Variants in RARB observed in about 807,000 individuals in gnomAD.
RARB encodes the protein HBV-activated protein.
A neutral mutation model predicts 51.9 loss-of-function variants in RARB; 17 were observed. That is an observed-to-expected ratio of 0.33 (90% CI 0.22 to 0.49). The LOEUF (loss-of-function observed/expected upper bound fraction) is 0.49. RARB is among the 20% of genes least tolerant of loss of function. The pLI is 0.99. For missense variants in RARB, 369 were observed against 550.8 expected, an observed-to-expected ratio of 0.67 and a Z score of 3.30; for synonymous variants, 215 against 195.4, an observed-to-expected ratio of 1.10 and a Z score of -0.84.
At chr3:24,982,266 A>C (rs1696694193) in intron 2 of RARB, among the ~76,000 whole-genome samples, 1 of 152,098 alleles carries the variant, frequency 6.6e-6, no homozygotes, top group African/African-American at 2.4e-5. Flanking sequence ...GCAACTCTGA[A>C]CCAGGTGGGC....
At chr3:24,967,787 T>C (rs146895809) in intron 2 of RARB, among the ~76,000 whole-genome samples, 148 of 152,254 alleles carry the variant, frequency 9.7e-4, no homozygotes, top group African/African-American at 3.4e-3. Flanking sequence ...TTTTAAGCAG[T>C]TTATTGGATT....
chr3:25,535,575 G>A (rs1403428997), intron 3 of RARB, among the ~76,000 whole-genome samples: 1 of 151,930 alleles, frequency 6.6e-6, no homozygotes, highest in Admixed American at 6.6e-5. Context: ...CCCAGCCCCC[G>A]ACAGGCCCTG....
chr3:25,256,166 T>G (rs1358401853), intron 5 of RARB, among the ~76,000 whole-genome samples: 1 of 152,158 alleles, frequency 6.6e-6, no homozygotes, highest in East Asian at 1.9e-4. Flanking sequence ...TTCAAAAATA[T>G]TCAACACCTA....
Position 25,428,800 on chromosome 3 carries a change from G to A in RARB, c.69G>A (p.Pro23=), listed in dbSNP as rs771732428. Residue 23 remains proline, a synonymous_variant, in exon 1 of 8, where the codon CCG becomes CCA. Transcript: ENST00000330688. ...TCCTGGATTTCTACACTGCGAGTCC[G>A]TCTTCCTGCATGCTCCAGGAGAAAG... ...GQILDFYTAS[P]SSCMLQEKAL... is the part of the protein sequence containing the mutation. The A allele has an allele frequency of 4.3e-6, 7 of 1,614,110 alleles. No homozygotes were observed. Among genetic ancestry groups the A allele is most frequent in the South Asian group, 1.1e-5 (1 of 91,078 alleles).
chr3:25,099,880 A>C (rs1056626409), intron 3 of RARB, among the ~76,000 whole-genome samples: 1 of 152,164 alleles, frequency 6.6e-6, no homozygotes, highest in Non-Finnish European at 1.5e-5. Context: ...CACGCAGGAA[A>C]GCCATGGGAA....
At chr3:25,334,370 T>A (rs1704997527) in intron 5 of RARB, among the ~76,000 whole-genome samples, 1 of 152,196 alleles carries the variant, frequency 6.6e-6, no homozygotes, top group South Asian at 2.1e-4. Context: ...TGAGTTCATG[T>A]CCTTTTTAGG....
Position 25,511,743 on chromosome 3 carries a change from C to T in RARB, c.448+10420C>T, listed in dbSNP as rs77102668. Reference sequence around the variant, plus strand: ...TCAGTTGCTGGTCAGATCCCACTGACATGCCCCTGCCTTACTGCCTGCCGC... The same window carrying T: ...TCAGTTGCTGGTCAGATCCCACTGATATGCCCCTGCCTTACTGCCTGCCGC... On this transcript the variant is annotated intron_variant, in intron 3 of 7. Coordinates refer to ENST00000330688, the MANE Select transcript of RARB (RefSeq NM_000965.5). Among the ~76,000 whole-genome samples the T allele has an allele frequency of 6.4e-3, 976 of 152,320 alleles. 27 individuals are homozygous for T. In the East Asian group the frequency reaches 0.078, roughly 12 times the overall value.
At chr3:25,206,898 A>T (rs1164606623) in intron 5 of RARB, among the ~76,000 whole-genome samples, 1 of 152,184 alleles carries the variant, frequency 6.6e-6, no homozygotes, top group Admixed American at 6.5e-5. Flanking sequence ...TCCAGTTGTC[A>T]GTCACAGGTG....
intron 5 of RARB, among the ~76,000 whole-genome samples, chr3:25,592,357 G>C (rs566658291): frequency 6.6e-6 from 1 of 152,288 alleles, no homozygotes; most frequent in South Asian, 2.1e-4. Flanking sequence ...CTTTTGTCCA[G>C]GTGGGATTTA....
intron 3 of RARB, among the ~76,000 whole-genome samples, chr3:25,069,641 G>A (rs961257116): frequency 2.0e-5 from 3 of 152,130 alleles, no homozygotes; most frequent in Non-Finnish European, 4.4e-5. Context: ...GAACTGCACC[G>A]TAGCTCCTTG....
At chr3:24,896,158 T>C (rs1473064123) in intron 2 of RARB, among the ~76,000 whole-genome samples, 1 of 152,172 alleles carries the variant, frequency 6.6e-6, no homozygotes, top group African/African-American at 2.4e-5. Context: ...CCTGGAATTG[T>C]GAAAATCCTT....
intron 5 of RARB, among the ~76,000 whole-genome samples, chr3:25,328,641 C>T (rs1413518981): frequency 2.0e-5 from 3 of 152,186 alleles, no homozygotes; most frequent in Non-Finnish European, 2.9e-5. Flanking sequence ...TTTTGCGTTT[C>T]CAACTGAGGC....
chr3:25,162,712 A>G (rs1700492161), intron 4 of RARB, among the ~76,000 whole-genome samples: 1 of 152,192 alleles, frequency 6.6e-6, no homozygotes, highest in Admixed American at 6.5e-5. Flanking sequence ...TTCCTGTAGC[A>G]TAATGTTTTC....
chr3:25,160,287 A>G (rs550524181), intron 4 of RARB, among the ~76,000 whole-genome samples: 1 of 152,364 alleles, frequency 6.6e-6, no homozygotes, highest in South Asian at 2.1e-4. Context: ...GAACATTTTA[A>G]CATTTTAAAG....
chr3:25,384,810 A>G (rs1484321148), intron 5 of RARB, among the ~76,000 whole-genome samples: 2 of 152,252 alleles, frequency 1.3e-5, no homozygotes, highest in East Asian at 3.8e-4. Flanking sequence ...TTTCAAGGGT[A>G]GAAAACCAGC....
intron 2 of RARB, among the ~76,000 whole-genome samples, chr3:24,977,990 T>C (rs190743146): frequency 1.6e-3 from 237 of 152,336 alleles, no homozygotes; most frequent in African/African-American, 5.5e-3. Flanking sequence ...TTAAAGGCCT[T>C]TTCTGCATTG....
chr3:25,063,258 C>T (rs1698587645), intron 3 of RARB, among the ~76,000 whole-genome samples: 2 of 151,766 alleles, frequency 1.3e-5, no homozygotes. Flanking sequence ...TATTTTATTC[C>T]CCTCTCAATT....
At chr3:25,077,545 C>A (rs1698895643) in intron 3 of RARB, among the ~76,000 whole-genome samples, 1 of 152,096 alleles carries the variant, frequency 6.6e-6, no homozygotes, top group Non-Finnish European at 1.5e-5. Context: ...GAGAAGTAGT[C>A]AATGGTACTA....
At chr3:25,059,650 A>G (rs957495941) in intron 2 of RARB, among the ~76,000 whole-genome samples, 2 of 151,826 alleles carry the variant, frequency 1.3e-5, no homozygotes, top group African/African-American at 4.8e-5. Context: ...GGATATGAGC[A>G]TTGTGGAGAC....
Sources: gnomAD v4.1 joint callset for allele counts (sites outside exome capture counted in the v4.1 genomes callset) on GRCh38, gnomAD v4.1.1 for gene constraint, MANE v1.5 for transcripts, NCBI Gene and HGNC (gene_info 2026-07-23, HGNC 2026-07-21) for gene names.